Variants in METTL15 observed in about 807,000 individuals in gnomAD.
The protein encoded by METTL15 is 12S rRNA N(4)-cytidine methyltransferase METTL15.
METTL15 carries 34 observed loss-of-function variants against 38.3 expected under a neutral mutation model. That is an observed-to-expected ratio of 0.89 (90% confidence interval 0.68 to 1.18). METTL15 has a LOEUF of 1.18. METTL15 is among the 50% of genes most tolerant of loss of function. The pLI is 0.00. For synonymous variants in METTL15, 162 were observed against 170.9 expected (o/e 0.95, Z 0.41); for missense variants, 438 against 498.4 (o/e 0.88, Z 1.15).
At chr11:28,532,386 T>C in the METTL15 span, among the ~76,000 whole-genome samples, 10 of 152,196 alleles carry the variant, frequency 6.6e-5, no homozygotes, top group Admixed American at 6.5e-4. Flanking sequence ...AATTTCCTAT[T>C]TGTGTGTGTA....
chr11:28,375,708 G>A (rs958994043), intron 5 of METTL15, among the ~76,000 whole-genome samples: 1 of 152,104 alleles, frequency 6.6e-6, no homozygotes, highest in East Asian at 1.9e-4. Flanking sequence ...CCTTCTGCTA[G>A]CTTTTGAATG....
intron 3 of METTL15, among the ~76,000 whole-genome samples, chr11:28,209,729 G>C (rs1258259403): frequency 1.3e-5 from 2 of 151,900 alleles, no homozygotes; most frequent in Non-Finnish European, 2.9e-5. Context: ...GTAGATACGA[G>C]CCAAAAAATC....
chr11:28,115,352 G>C (rs772420877), intron 3 of METTL15, among the ~76,000 whole-genome samples: 6 of 151,280 alleles, frequency 4.0e-5, no homozygotes, highest in Non-Finnish European at 8.8e-5. Flanking sequence ...TCTGCTTCCC[G>C]GGTTCAATTG....
intron 6 of METTL15, among the ~76,000 whole-genome samples, chr11:28,519,976 G>A (rs1394790128): frequency 2.6e-5 from 4 of 152,188 alleles, no homozygotes; most frequent in African/African-American, 4.8e-5. Context: ...TGTAGTTAAA[G>A]CACCAGTTTT....
intron 3 of METTL15, among the ~76,000 whole-genome samples, chr11:28,182,242 A>G (rs1454993364): frequency 6.6e-6 from 1 of 152,128 alleles, no homozygotes; most frequent in Non-Finnish European, 1.5e-5. Flanking sequence ...TTTGCTGTGC[A>G]GAAGCTCTTT....
At chr11:28,310,972 G>A (rs12272175) in intron 6 of METTL15, among the ~76,000 whole-genome samples, 31 of 141,252 alleles carry the variant, frequency 2.2e-4, no homozygotes, top group African/African-American at 8.8e-4. Context: ...GTGGGTGTGT[G>A]TGTGTGTGTG....
intron 3 of METTL15, among the ~76,000 whole-genome samples, chr11:28,133,204 C>G (rs1035759773): frequency 1.3e-5 from 2 of 152,000 alleles, no homozygotes; most frequent in African/African-American, 4.8e-5. Flanking sequence ...TTTAAAATGT[C>G]TCTTGGAATA....
At chr11:28,348,763 A>G (rs1259106442) in intron 3 of METTL15, among the ~76,000 whole-genome samples, 1 of 152,076 alleles carries the variant, frequency 6.6e-6, no homozygotes, top group Non-Finnish European at 1.5e-5. Flanking sequence ...TAGATTATTC[A>G]ATGGGTTATA....
intron 6 of METTL15, among the ~76,000 whole-genome samples, chr11:28,438,868 G>T (rs936620687): frequency 6.6e-6 from 1 of 151,524 alleles, no homozygotes; most frequent in African/African-American, 2.4e-5. Context: ...GAGACGGGGG[G>T]GTTTCACCAT....
chr11:28,136,092 G>A (rs911122414), intron 3 of METTL15, among the ~76,000 whole-genome samples: 8 of 152,130 alleles, frequency 5.3e-5, no homozygotes, highest in African/African-American at 1.7e-4. Flanking sequence ...AAGGATCAAA[G>A]CTAGACAACA....
At chr11:28,131,973 T>C (rs565853171) in intron 3 of METTL15, among the ~76,000 whole-genome samples, 8 of 152,318 alleles carry the variant, frequency 5.3e-5, no homozygotes, top group Admixed American at 2.6e-4. Context: ...ATTAAAAAAA[T>C]GATTATTTAC....
chr11:28,345,466 A>G (rs758057052), intron 3 of METTL15, among the ~76,000 whole-genome samples: 1 of 152,220 alleles, frequency 6.6e-6, no homozygotes, highest in South Asian at 2.1e-4. Flanking sequence ...CTGGGATTGC[A>G]GGTGTGATCC....
chr11:28,217,792 C>G (rs933222655), intron 4 of METTL15, among the ~76,000 whole-genome samples: 2 of 152,250 alleles, frequency 1.3e-5, no homozygotes, highest in East Asian at 1.9e-4. Flanking sequence ...GCCAGTTTTC[C>G]CAGCACCATT....
intron 6 of METTL15, among the ~76,000 whole-genome samples, chr11:28,311,003 T>TGTGTGTGA (rs1245505037): frequency 2.5e-5 from 3 of 119,270 alleles, no homozygotes; most frequent in Admixed American, 8.8e-5. Flanking sequence ...TGTGTGTGTG[T>TGTGTGTGA]GAGAGAGAGA....
chr11:28,353,866 A>G (rs1427140988), intron 4 of METTL15, among the ~76,000 whole-genome samples: 1 of 147,382 alleles, frequency 6.8e-6, no homozygotes, highest in African/African-American at 2.5e-5. Flanking sequence ...CGGAGCTTGC[A>G]GTGAGCCGAG....
At chr11:28,274,975 CAAAA>C (rs937184935) in intron 4 of METTL15, among the ~76,000 whole-genome samples, 2 of 149,616 alleles carry the variant, frequency 1.3e-5, no homozygotes. Flanking sequence ...CTAAAAGACT[CAAAA>C]AAAGGGAAGT....
rs554647167 is a variant in METTL15, at chr11:28,221,824, A to G, written c.407+10626A>G. Among the ~76,000 whole-genome samples the G allele has an allele frequency of 3.7e-4, 57 of 152,206 alleles. 1 individual carries two copies. Among genetic ancestry groups the G allele is most frequent in the South Asian group, 3.1e-3 (15 of 4,818 alleles). On this transcript the variant is annotated intron_variant, in intron 4 of 6. Coordinates refer to ENST00000407364, the MANE Select transcript of METTL15 (RefSeq NM_001113528.2). Reference sequence around the variant, plus strand: ...GGAGTTTGCTGGAGGTCCACTCCAGACCCTGTTTGCCTGGGTATCAGCAGA... The same window carrying G: ...GGAGTTTGCTGGAGGTCCACTCCAGGCCCTGTTTGCCTGGGTATCAGCAGA...
chr11:28,295,329 A>T (rs1337829024), intron 5 of METTL15, among the ~76,000 whole-genome samples: 1 of 152,148 alleles, frequency 6.6e-6, no homozygotes, highest in Non-Finnish European at 1.5e-5. Flanking sequence ...CAGGACCAGG[A>T]TTCTAATCCA....
chr11:28,333,799 A>G (rs1260340783), downstream of METTL15, among the ~76,000 whole-genome samples: 2 of 151,924 alleles, frequency 1.3e-5, no homozygotes, highest in Non-Finnish European at 2.9e-5. Context: ...TTGTTGTGCT[A>G]CAAGCAGTAG....
Sources: allele counts gnomAD v4.1 joint callset (sites outside exome capture counted in the v4.1 genomes callset), GRCh38; gene constraint gnomAD v4.1.1; transcripts MANE v1.5; gene names NCBI Gene and HGNC (gene_info 2026-07-23, HGNC 2026-07-21).